Variants in SAXO5 observed in about 807,000 individuals in gnomAD.
SAXO5 encodes the protein testis expressed 45.
chr19:7,507,118 G>T, the SAXO5 span: 45 of 1,613,946 alleles, frequency 2.8e-5, no homozygotes, highest in Non-Finnish European at 3.6e-5. Context: ...TCCGGCCCCG[G>T]TGACTGAAGA....
chr19:7,506,907 T>C, the SAXO5 span: 1 of 554,138 alleles, frequency 1.8e-6, no homozygotes. Context: ...GGCTCCTCCC[T>C]CCCCCCTCTC....
At chr19:7,505,200 C>A in the SAXO5 span, 1 of 882,864 alleles carries the variant, frequency 1.1e-6, no homozygotes, top group Non-Finnish European at 1.9e-6. Context: ...CCAATCTGTT[C>A]TCAAAAGCCT....
chr19:7,501,192 G>T, the SAXO5 span: 2 of 1,532,682 alleles, frequency 1.3e-6, no homozygotes, highest in East Asian at 5.2e-5. Context: ...CGCCGGGATC[G>T]GCCTCTCCAA....
At chr19:7,501,118 C>A in the SAXO5 span, 2 of 1,505,890 alleles carry the variant, frequency 1.3e-6, no homozygotes, top group Non-Finnish European at 1.8e-6. Context: ...CTGCTGCAAG[C>A]GCAGGCGCGG....
chr19:7,507,929 A>G, the SAXO5 span, among the ~76,000 whole-genome samples: 1 of 152,072 alleles, frequency 6.6e-6, no homozygotes, highest in African/African-American at 2.4e-5. Flanking sequence ...AATTGACCAG[A>G]ACCCCAACTC....
chr19:7,506,175 C>G, the SAXO5 span: 1 of 1,581,546 alleles, frequency 6.3e-7, no homozygotes, highest in Non-Finnish European at 8.6e-7. Flanking sequence ...GGTGAGCGCT[C>G]CCGGGAAGCC....
chr19:7,506,415 C>T, the SAXO5 span: 9 of 560,238 alleles, frequency 1.6e-5, no homozygotes, highest in African/African-American at 5.8e-5. Flanking sequence ...CCCAACTCTG[C>T]TCCTGGATAA....
At chr19:7,507,040 C>T in the SAXO5 span, 8 of 1,611,710 alleles carry the variant, frequency 5.0e-6, no homozygotes, top group Admixed American at 8.3e-5. Context: ...TCAGCCTCCC[C>T]AACCTGAATC....
At chr19:7,507,194 T>C in the SAXO5 span, 2 of 1,468,196 alleles carry the variant, frequency 1.4e-6, no homozygotes, top group Middle Eastern at 1.7e-4. Flanking sequence ...CACATTGGTG[T>C]AGAGTTATCT....
chr19:7,503,239 T>C, the SAXO5 span, among the ~76,000 whole-genome samples: 1 of 152,058 alleles, frequency 6.6e-6, no homozygotes, highest in Non-Finnish European at 1.5e-5. Context: ...GGTGCGTTCC[T>C]GTAATCCCAG....
At chr19:7,506,726 G>A in the SAXO5 span, 1 of 335,066 alleles carries the variant, frequency 3.0e-6, no homozygotes. Context: ...TCCTTCCTTT[G>A]TCCCAGCTCC....
the SAXO5 span, chr19:7,500,903 G>T: frequency 3.8e-5 from 60 of 1,580,664 alleles, no homozygotes; most frequent in Non-Finnish European, 4.9e-5. Context: ...CGCACTTCTC[G>T]CTGGGGCCTG....
At chr19:7,508,334 C>T in the SAXO5 span, 5 of 1,613,978 alleles carry the variant, frequency 3.1e-6, no homozygotes, top group Admixed American at 1.7e-5. Context: ...AGGAGGGCTT[C>T]GTGCCCCTGG....
chr19:7,500,943 A>T, the SAXO5 span: 2 of 1,577,510 alleles, frequency 1.3e-6, no homozygotes, highest in Middle Eastern at 3.5e-4. Flanking sequence ...CACCATGCGC[A>T]CCACGTCGCA....
the SAXO5 span, chr19:7,501,343 C>A: frequency 6.4e-7 from 1 of 1,559,550 alleles, no homozygotes; most frequent in Non-Finnish European, 8.6e-7. Flanking sequence ...ACGCACCAGG[C>A]GCTCTTTCCA....
the SAXO5 span, chr19:7,505,716 T>C: frequency 7.9e-7 from 1 of 1,269,458 alleles, no homozygotes; most frequent in Admixed American, 1.9e-5. Flanking sequence ...GGGAGTGAGC[T>C]TGATATGTAT....
At chr19:7,500,722 C>A in the SAXO5 span, 1 of 1,135,934 alleles carries the variant, frequency 8.8e-7, no homozygotes, top group Non-Finnish European at 1.2e-6. Context: ...GAGTCAAAGG[C>A]AGCAGAAAGG....
the SAXO5 span, chr19:7,504,095 C>CTCTCTCA: frequency 6.9e-6 from 5 of 724,554 alleles, no homozygotes; most frequent in Non-Finnish European, 1.1e-5. Context: ...TCTCTCTCTC[C>CTCTCTCA]CCCCATCCCC....
the SAXO5 span, among the ~76,000 whole-genome samples, chr19:7,502,691 C>T: frequency 4.1e-4 from 62 of 152,216 alleles, no homozygotes; most frequent in African/African-American, 1.5e-3. Context: ...CCTCCCCACA[C>T]CCCCCAGCCT....
Sources: allele counts gnomAD v4.1 joint callset (sites outside exome capture counted in the v4.1 genomes callset), GRCh38; gene constraint gnomAD v4.1.1; transcripts MANE v1.5; gene names NCBI Gene and HGNC (gene_info 2026-07-23, HGNC 2026-07-21).